The following TET3 variants were observed in gnomAD, a reference collection of about 807,000 sequenced individuals.
TET3 encodes methylcytosine dioxygenase TET3.
Under a neutral mutation model 141.4 loss-of-function variants are expected in TET3, and 19 were observed. That is an observed-to-expected ratio of 0.13 (90% CI 0.09 to 0.20). The LOEUF (loss-of-function observed/expected upper bound fraction) is 0.20. TET3 is among the 10% of genes least tolerant of loss of function. TET3 has a pLI of 1.00. For missense variants in TET3, 1,874 were observed against 2,356.9 expected, an observed-to-expected ratio of 0.80 and a Z score of 4.24; for synonymous variants, 1,043 against 980.9, an observed-to-expected ratio of 1.06 and a Z score of -1.18.
the TET3 span, among the ~76,000 whole-genome samples, chr2:74,123,425 T>C: frequency 6.6e-6 from 1 of 152,198 alleles, no homozygotes; most frequent in Admixed American, 6.5e-5. Context: ...AACACCATCC[T>C]GGCTAACATG....
intron 6 of TET3, among the ~76,000 whole-genome samples, chr2:74,083,147 G>A (rs946734641): frequency 1.3e-5 from 2 of 152,038 alleles, no homozygotes; most frequent in African/African-American, 4.8e-5. Context: ...GATGACCTAG[G>A]AAGCAGTGGG....
chr2:74,128,706 A>C, the TET3 span, among the ~76,000 whole-genome samples: 1 of 151,966 alleles, frequency 6.6e-6, no homozygotes, highest in Non-Finnish European at 1.5e-5. Flanking sequence ...TAGAAAAAAA[A>C]AAAGGCTGGG....
At chr2:74,090,235 A>G (rs952426825) in intron 8 of TET3, among the ~76,000 whole-genome samples, 188 bp downstream of exon 8, 1 of 152,208 alleles carries the variant, frequency 6.6e-6, no homozygotes, top group Non-Finnish European at 1.5e-5. Flanking sequence ...CCAAGTGTGA[A>G]AAATTAGACT....
At position 74,047,199 on chromosome 2, in the gene TET3, A is replaced by G; in HGVS notation, c.1282A>G (p.Thr428Ala). ...APDSSAFPPA[T>A]PRTEFPEAWG... ...TGATAGCTCTGCCTTCCCTCCAGCA[A>G]CTCCTAGAACTGAGTTCCCTGAAGC... The change falls in exon 4 of 12, where the codon ACT becomes GCT. Residue 428 changes from threonine to alanine, a missense_variant. Physicochemically the swap from Thr to Ala is moderately conservative, Grantham distance 58. Around this residue, in one of 10 missense-constraint regions of TET3, gnomAD observed 484 missense variants for 462.2 expected, o/e 1.05. Coordinates refer to ENST00000409262, the MANE Select transcript of TET3 (RefSeq NM_001287491.2). 1.2e-6 allele frequency: 2 copies of G among 1,612,976 alleles called. No homozygotes were observed. The highest frequency in any genetic ancestry group is 1.7e-6 in the Non-Finnish European group (2 of 1,179,640).
At chr2:74,120,866 T>C in the TET3 span, 2 of 152,356 alleles carry the variant, frequency 1.3e-5, 1 homozygote, top group South Asian at 4.2e-4. Flanking sequence ...CTTCCCTCCC[T>C]GTGAACAAAA....
chr2:74,066,219 C>A (rs2103879056), intron 4 of TET3, among the ~76,000 whole-genome samples: 1 of 152,288 alleles, frequency 6.6e-6, no homozygotes, highest in African/African-American at 2.4e-5. Context: ...AGAGGTTTTA[C>A]TTCTTTGATT....
rs139440809 is a variant in TET3 at position 74,029,162 on chromosome 2, A to G, written c.361-17116A>G. Among the ~76,000 whole-genome samples the G allele has an allele frequency of 6.6e-5, 10 of 152,296 alleles. No individual in the cohort carries two copies. In the East Asian group the frequency reaches 1.9e-3, roughly 29 times the overall value. ...ACACGTACCTTTTATATTTGTAGTC[A>G]CCCAAATAAGATGAAGCCCTTGTAC... On this transcript the variant is annotated intron_variant, in intron 3 of 11. Transcript: ENST00000409262.
intron 2 of TET3, among the ~76,000 whole-genome samples, chr2:74,000,778 C>G (rs112459932): frequency 6.6e-6 from 1 of 152,126 alleles, no homozygotes; most frequent in African/African-American, 2.4e-5. Context: ...GTTAACATCG[C>G]GAAGTCCTTC....
chr2:74,123,778 G>A, the TET3 span, among the ~76,000 whole-genome samples: 9 of 151,060 alleles, frequency 6.0e-5, no homozygotes, highest in East Asian at 5.9e-4. Flanking sequence ...AGTGAGGAGC[G>A]CCTCTTCCCG....
intron 4 of TET3, among the ~76,000 whole-genome samples, chr2:74,057,666 A>C (rs1468033113): frequency 6.6e-6 from 1 of 152,218 alleles, no homozygotes; most frequent in Non-Finnish European, 1.5e-5. Context: ...GTGTGGAACC[A>C]CTGGCGTCTA....
At chr2:74,079,919 G>A (rs182975353) in intron 5 of TET3, among the ~76,000 whole-genome samples, 1 of 152,122 alleles carries the variant, frequency 6.6e-6, no homozygotes, top group Admixed American at 6.5e-5. Context: ...CTGAGTGTGT[G>A]GGGGAGCCAG....
At chr2:74,030,183 A>T (rs1410230357) in intron 3 of TET3, among the ~76,000 whole-genome samples, 1 of 152,248 alleles carries the variant, frequency 6.6e-6, no homozygotes, top group Non-Finnish European at 1.5e-5. Context: ...AATGGTTGTT[A>T]TGATGTGCTG....
chr2:74,020,420 T>A (rs1685973982), intron 3 of TET3, among the ~76,000 whole-genome samples: 1 of 152,212 alleles, frequency 6.6e-6, no homozygotes, highest in Non-Finnish European at 1.5e-5. Context: ...GGGGCATAAG[T>A]GGTCTGCCTG....
the TET3 span, among the ~76,000 whole-genome samples, chr2:74,132,836 C>T: frequency 6.6e-6 from 1 of 152,096 alleles, no homozygotes; most frequent in Non-Finnish European, 1.5e-5. Context: ...CACTGGTGTT[C>T]CTGACTCTTA....
In TET3 at chr2:74,092,922, T is replaced by G; in HGVS notation, c.3060T>G (p.Ser1020Arg). 1 of 1,591,008 alleles carries G rather than the reference T, an allele frequency of 6.3e-7. No individual in the cohort carries two copies. Among genetic ancestry groups the G allele is most frequent in the Non-Finnish European group, 8.6e-7 (1 of 1,168,932 alleles). The change falls in exon 9 of 12, where the codon AGT becomes AGG. Residue 1020 changes from serine to arginine, a missense_variant. Physicochemically the swap from Ser to Arg is moderately radical, Grantham distance 110. This residue lies in a region of TET3 where 126 missense variants were observed against 327.4 expected (regional missense o/e 0.38). Coordinates refer to ENST00000409262, the MANE Select transcript of TET3 (RefSeq NM_001287491.2). ...NPKEEEVLRK[S>R]FQDLATEVAP... ...TGCAGGAAGAAGTGCTCCGGAAGAG[T>G]TTCCAGGACCTGGCCACCGAAGTCG...
chr2:74,125,691 T>TA, the TET3 span, among the ~76,000 whole-genome samples: 1 of 150,226 alleles, frequency 6.7e-6, no homozygotes, highest in South Asian at 2.1e-4. Context: ...TAAAGTATGC[T>TA]AAAATTTTTT....
At chr2:74,126,585 T>C in the TET3 span, among the ~76,000 whole-genome samples, 2 of 144,838 alleles carry the variant, frequency 1.4e-5, no homozygotes, top group Admixed American at 1.5e-4. Context: ...CACTGCAAGC[T>C]CCGCCTCCCG....
At chr2:74,051,456 G>A (rs1022865122) in intron 4 of TET3, among the ~76,000 whole-genome samples, 7 of 152,162 alleles carry the variant, frequency 4.6e-5, no homozygotes, top group East Asian at 1.9e-4. Flanking sequence ...CTGTATGGTC[G>A]GAGTATGGAT....
chr2:74,127,955 C>T, the TET3 span, among the ~76,000 whole-genome samples: 3 of 152,170 alleles, frequency 2.0e-5, no homozygotes, highest in African/African-American at 7.2e-5. Flanking sequence ...CAGGAATTTC[C>T]ATTTCTAGTC....
Sources: gnomAD v4.1 joint callset for allele counts (sites outside exome capture counted in the v4.1 genomes callset) on GRCh38, gnomAD v4.1.1 for gene constraint, gnomAD v4.1.1 regional missense constraint, MANE v1.5 for transcripts, NCBI Gene and HGNC (gene_info 2026-07-23, HGNC 2026-07-21) for gene names.